CDKAL1: variants seen among roughly 807,000 people sequenced by gnomAD.
CDKAL1 encodes the protein CDKAL1 threonylcarbamoyladenosine tRNA methylthiotransferase.
In CDKAL1, 32 loss-of-function variants were observed where a neutral mutation model predicts 68.2. That is an observed-to-expected ratio of 0.47 (90% CI 0.35 to 0.63). The LOEUF (loss-of-function observed/expected upper bound fraction) is 0.63. Among genes scored for constraint, CDKAL1 ranks in the 30% least tolerant of loss-of-function variants. The pLI, the probability that CDKAL1 is intolerant of heterozygous loss-of-function variation, is 0.00. For missense variants in CDKAL1, 606 were observed against 696.7 expected, an observed-to-expected ratio of 0.87 and a Z score of 1.47; for synonymous variants, 234 against 244.3, an observed-to-expected ratio of 0.96 and a Z score of 0.39.
intron 5 of CDKAL1, among the ~76,000 whole-genome samples, chr6:20,717,432 C>T (rs2127839517): frequency 6.6e-6 from 1 of 151,558 alleles, no homozygotes; most frequent in African/African-American, 2.4e-5. Context: ...AAGCATCAGG[C>T]TTACTGGGGA....
At position 20,640,460 on chromosome 6, in the gene CDKAL1, T is replaced by G. The variant is rs60771604; in HGVS notation, c.287-8833T>G. Among the ~76,000 whole-genome samples, 171 of 152,338 alleles carry G rather than the reference T, an allele frequency of 1.1e-3. 2 individuals carry two copies. Among genetic ancestry groups the G allele is most frequent in the African/African-American group, 4.0e-3 (167 of 41,580 alleles). On this transcript the variant is annotated intron_variant, in intron 4 of 15. Transcript: ENST00000274695. ...AGGGGGAAGGGCAGATTCGTAGTTG[T>G]GAGAGTCTGCCTGTGCTTTAGGGTA...
chr6:20,916,972 T>G (rs933005899), intron 9 of CDKAL1, among the ~76,000 whole-genome samples: 1 of 152,084 alleles, frequency 6.6e-6, no homozygotes, highest in Admixed American at 6.5e-5. Context: ...TTCATTTGTC[T>G]TTTTGTTTGT....
intron 4 of CDKAL1, among the ~76,000 whole-genome samples, chr6:20,572,966 C>A (rs1764764283): frequency 1.3e-5 from 2 of 152,066 alleles, no homozygotes; most frequent in Admixed American, 6.6e-5. Context: ...TCATACATAC[C>A]ATTTTCTAGT....
rs369454787 is a variant in CDKAL1, at chr6:20,651,900, C to A, written c.371+2523C>A. ...CCAGCCTCGCATCCAGGGATGAAGCCCACTTGATCATGGTGGATAAGCTTT... is the reference window on the plus strand; with the variant it reads ...CCAGCCTCGCATCCAGGGATGAAGCACACTTGATCATGGTGGATAAGCTTT... On this transcript the variant is annotated intron_variant, in intron 5 of 15. Transcript: ENST00000274695. Among the ~76,000 whole-genome samples the A allele has an allele frequency of 7.2e-5, 11 of 152,254 alleles. No homozygotes were observed. The South Asian group carries it at 8.3e-4, about 11-fold the overall frequency.
At chr6:21,112,353 GT>G (rs1447731500) in intron 13 of CDKAL1, among the ~76,000 whole-genome samples, 2 of 152,206 alleles carry the variant, frequency 1.3e-5, no homozygotes, top group African/African-American at 4.8e-5. Flanking sequence ...GAAGGAAAAA[GT>G]TCTATTTACA....
At position 21,176,690 on chromosome 6, in the gene CDKAL1, T is replaced by G. The variant is rs547651708; in HGVS notation, c.1300-21331T>G. ...TCATGGGCTGGATGTTGGTTTTTTTTTTTTTGTTTTTTTTTTTTTTTTGAG... is the reference window on the plus strand; with the variant it reads ...TCATGGGCTGGATGTTGGTTTTTTTGTTTTTGTTTTTTTTTTTTTTTTGAG... On this transcript the variant is annotated intron_variant, in intron 13 of 15. Coordinates refer to ENST00000274695, the MANE Select transcript of CDKAL1 (RefSeq NM_017774.3). Among the ~76,000 whole-genome samples, 63 of 135,906 alleles carry G rather than the reference T, an allele frequency of 4.6e-4. No individual in the cohort carries two copies. The East Asian group carries it at 4.8e-3, about 10-fold the overall frequency. 89.2% of individuals were successfully genotyped at this position (135,906 alleles called of 152,430 possible). A position where few individuals can be genotyped will look rare whatever the true frequency, so the allele number is the denominator to read the frequency against.
intron 10 of CDKAL1, among the ~76,000 whole-genome samples, chr6:20,975,699 C>T (rs1024572808): frequency 3.3e-5 from 5 of 152,088 alleles, no homozygotes; most frequent in African/African-American, 9.7e-5. Flanking sequence ...AAAAAAATGG[C>T]TAAGCATGGA....
chr6:21,069,528 TA>T (rs1337612419), intron 12 of CDKAL1, among the ~76,000 whole-genome samples: 1 of 152,144 alleles, frequency 6.6e-6, no homozygotes, highest in Admixed American at 6.5e-5. Context: ...TTGCTATTGA[TA>T]AAATATTTCT....
In CDKAL1 at chr6:21,045,697, T is replaced by A. The variant is rs9460590; in HGVS notation, c.1056-19351T>A. On this transcript the variant is annotated intron_variant, in intron 11 of 15. Transcript: ENST00000274695. Reference sequence around the variant, plus strand: ...GATCCTAATCCCAGGCCTTTTCTACTGTAAACTAGCTCTGTGTCCATGGAC... The same window carrying A: ...GATCCTAATCCCAGGCCTTTTCTACAGTAAACTAGCTCTGTGTCCATGGAC... Among the ~76,000 whole-genome samples the A allele has an allele frequency of 6.6e-5, 10 of 152,186 alleles. No individual in the cohort carries two copies. In the East Asian group the frequency reaches 1.5e-3, roughly 24 times the overall value.
At chr6:20,537,553 C>T (rs1763222759) in intron 2 of CDKAL1, among the ~76,000 whole-genome samples, 1 of 151,406 alleles carries the variant, frequency 6.6e-6, no homozygotes, top group Non-Finnish European at 1.5e-5. Flanking sequence ...TTGCAGTGAG[C>T]CGAGATCGTG....
chr6:20,678,566 A>C (rs1770231842), intron 5 of CDKAL1, among the ~76,000 whole-genome samples: 1 of 152,166 alleles, frequency 6.6e-6, no homozygotes, highest in Non-Finnish European at 1.5e-5. Flanking sequence ...AGTGAAATGA[A>C]TTACTATATG....
intron 8 of CDKAL1, among the ~76,000 whole-genome samples, chr6:20,842,043 CAG>C (rs2150486526): frequency 6.6e-6 from 1 of 152,284 alleles, no homozygotes; most frequent in African/African-American, 2.4e-5. Context: ...GAAACTGGCT[CAG>C]TGTTCTTTCT....
chr6:20,684,677 C>G (rs992392948), intron 5 of CDKAL1, among the ~76,000 whole-genome samples: 1 of 152,142 alleles, frequency 6.6e-6, no homozygotes, highest in African/African-American at 2.4e-5. Context: ...TCCTTGCCAA[C>G]ATTTGGTGTT....
intron 9 of CDKAL1, among the ~76,000 whole-genome samples, chr6:20,891,326 T>C (rs1761380236): frequency 6.6e-6 from 1 of 152,168 alleles, no homozygotes; most frequent in Non-Finnish European, 1.5e-5. Context: ...AGGCTCTGGC[T>C]TGAGCTCTGA....
At chr6:21,195,988 C>G (rs1778455380) in intron 13 of CDKAL1, among the ~76,000 whole-genome samples, 1 of 152,168 alleles carries the variant, frequency 6.6e-6, no homozygotes, top group South Asian at 2.1e-4. Context: ...ACAAATAGTT[C>G]TCTTATGGTT....
chr6:20,736,489 G>A (rs193096955), intron 5 of CDKAL1, among the ~76,000 whole-genome samples: 54 of 152,052 alleles, frequency 3.6e-4, no homozygotes, highest in African/African-American at 1.2e-3. Context: ...AAAATCTTCC[G>A]GCCGGGGGCG....
At chr6:21,144,938 T>C (rs955077188) in intron 13 of CDKAL1, among the ~76,000 whole-genome samples, 1 of 152,196 alleles carries the variant, frequency 6.6e-6, no homozygotes, top group Non-Finnish European at 1.5e-5. Flanking sequence ...GTATTCTTAT[T>C]TGCTTTAAAT....
At chr6:20,885,042 T>G (rs781068963) in intron 9 of CDKAL1, among the ~76,000 whole-genome samples, 12 of 152,092 alleles carry the variant, frequency 7.9e-5, no homozygotes, top group Non-Finnish European at 1.3e-4. Flanking sequence ...GTAAAGACAT[T>G]CATGTTCAGG....
At chr6:20,556,962 T>G (rs532632522) in intron 4 of CDKAL1, among the ~76,000 whole-genome samples, 65 of 150,124 alleles carry the variant, frequency 4.3e-4, no homozygotes, top group African/African-American at 1.5e-3. Context: ...GGCGTGAACC[T>G]GGGAGGCGGA....
Sources: allele counts gnomAD v4.1 joint callset (sites outside exome capture counted in the v4.1 genomes callset), GRCh38; gene constraint gnomAD v4.1.1; transcripts MANE v1.5; gene names NCBI Gene and HGNC (gene_info 2026-07-23, HGNC 2026-07-21).